ZNF257: variants seen among roughly 807,000 people sequenced by gnomAD.
The protein encoded by ZNF257 is bone marrow zinc finger 4.
A neutral mutation model predicts 11.9 loss-of-function variants in ZNF257; 12 were observed. The observed-to-expected ratio is 1.01, with a 90% CI of 0.65 to 1.63. ZNF257 has a LOEUF of 1.63. Ranked by LOEUF, ZNF257 falls within the 40% of genes most tolerant of loss-of-function variation. The pLI is 0.00. For missense variants in ZNF257, 580 were observed against 665.5 expected (o/e 0.87, Z 1.41); for synonymous variants, 183 against 222.7 (o/e 0.82, Z 1.59).
intron 1 of ZNF257, among the ~76,000 whole-genome samples, chr19:22,068,857 A>G (rs1168727032): frequency 6.6e-6 from 1 of 152,094 alleles, no homozygotes; most frequent in African/African-American, 2.4e-5. Flanking sequence ...ATCAGCCTAA[A>G]TCTCTTCTGT....
intron 1 of ZNF257, among the ~76,000 whole-genome samples, chr19:22,055,207 G>A (rs983850595): frequency 2.0e-5 from 3 of 152,090 alleles, no homozygotes; most frequent in African/African-American, 7.2e-5. Flanking sequence ...AGAAAAAATA[G>A]TATTTTTTGG....
intron 3 of ZNF257, among the ~76,000 whole-genome samples, chr19:22,079,661 G>A (rs2022315796): frequency 6.6e-6 from 1 of 152,034 alleles, no homozygotes; most frequent in South Asian, 2.1e-4. Flanking sequence ...ACCTCTCCCT[G>A]TCTCTCTCAT....
chr19:22,059,298 C>A (rs2021728792), intron 1 of ZNF257, among the ~76,000 whole-genome samples: 1 of 152,124 alleles, frequency 6.6e-6, no homozygotes, highest in Non-Finnish European at 1.5e-5. Flanking sequence ...TTTTGTCCTC[C>A]CATCATCCAC....
At chr19:22,058,350 CTA>C (rs1320584500) in intron 1 of ZNF257, among the ~76,000 whole-genome samples, 3 of 151,832 alleles carry the variant, frequency 2.0e-5, no homozygotes, top group African/African-American at 7.3e-5. Context: ...GTCAACATAA[CTA>C]TGTTGTTTTG....
chr19:22,085,543 A>G (rs1280958335), intron 3 of ZNF257, among the ~76,000 whole-genome samples: 1 of 148,996 alleles, frequency 6.7e-6, no homozygotes, highest in East Asian at 1.9e-4. Flanking sequence ...CTGTTTCCTT[A>G]TTAATATTCT....
chr19:22,069,834 A>G (rs1377536811), intron 1 of ZNF257, among the ~76,000 whole-genome samples: 1 of 152,132 alleles, frequency 6.6e-6, no homozygotes, highest in Admixed American at 6.5e-5. Context: ...GCTAAAAAAG[A>G]TTAAAGTTAC....
rs16998838 is a variant in ZNF257, at chr19:22,087,414, A to G, written c.227-563A>G. 22 of 421,842 alleles carry G rather than the reference A, an allele frequency of 5.2e-5. No individual in the cohort carries two copies. In the East Asian group the frequency reaches 5.7e-4, roughly 11 times the overall value. 26.1% of individuals were successfully genotyped at this position (421,842 alleles called of 1,614,324 possible). ...TATTTGCACTTCTTCCTAGTTATCA[A>G]TCACTTGCTACACTTGTTACCTGTC... On this transcript the variant is annotated intron_variant, in intron 3 of 3. Coordinates refer to ENST00000594947, the MANE Select transcript of ZNF257 (RefSeq NM_033468.4).
rs565742980 is a variant in ZNF257, at chr19:22,087,873, G to A, written c.227-104G>A. 2.9e-6 allele frequency: 3 copies of A among 1,025,260 alleles called. No homozygotes were observed. The South Asian group carries it at 1.1e-4, about 39-fold the overall frequency. The allele number at this position is 1,025,260 out of a possible 1,614,324, so 63.5% of individuals were successfully genotyped here. A position where few individuals can be genotyped will look rare whatever the true frequency, so the allele number is the denominator to read the frequency against. On this transcript the variant is annotated intron_variant, in intron 3 of 3. Transcript: ENST00000594947. Reference sequence around the variant, plus strand: ...ATTAGAGCCTGTGGTATTTTGCTATGCCATCTTCCTTATGTAGTATATACA... The same window carrying A: ...ATTAGAGCCTGTGGTATTTTGCTATACCATCTTCCTTATGTAGTATATACA...
chr19:22,068,925 A>G (rs982572691), intron 1 of ZNF257, among the ~76,000 whole-genome samples: 3 of 152,138 alleles, frequency 2.0e-5, no homozygotes, highest in Non-Finnish European at 4.4e-5. Context: ...AGAATCACCT[A>G]GGTGTCTTTG....
At chr19:22,063,166 T>C (rs2021848013) in intron 1 of ZNF257, among the ~76,000 whole-genome samples, 1 of 152,202 alleles carries the variant, frequency 6.6e-6, no homozygotes, top group Non-Finnish European at 1.5e-5. Flanking sequence ...GAGATGTGCA[T>C]AGTAGACTTC....
intron 3 of ZNF257, among the ~76,000 whole-genome samples, chr19:22,084,856 A>C (rs2022439704): frequency 6.6e-6 from 1 of 150,764 alleles, no homozygotes; most frequent in Middle Eastern, 3.2e-3. Flanking sequence ...TAGCCTGCTG[A>C]GTATCTGAGA....
At chr19:22,079,078 C>T (rs1302139267) in intron 3 of ZNF257, among the ~76,000 whole-genome samples, 1 of 152,114 alleles carries the variant, frequency 6.6e-6, no homozygotes, top group Non-Finnish European at 1.5e-5. Context: ...AGGCGTGAGC[C>T]ACCACCGCAC....
intron 3 of ZNF257, among the ~76,000 whole-genome samples, chr19:22,078,076 A>G (rs1051278252): frequency 4.5e-5 from 5 of 111,840 alleles, no homozygotes; most frequent in Non-Finnish European, 1.0e-4. Flanking sequence ...CGTCTCTACT[A>G]AAAAAAAAAA....
chr19:22,076,980 A>G (rs10411943), intron 3 of ZNF257, among the ~76,000 whole-genome samples: 36,773 of 151,942 alleles, frequency 0.24, 6,205 homozygotes, highest in African/African-American at 0.48. Context: ...GAGCCACCGC[A>G]CCTGTCCTAA....
chr19:22,064,583 T>A (rs1285530413), intron 1 of ZNF257, among the ~76,000 whole-genome samples: 1 of 152,184 alleles, frequency 6.6e-6, no homozygotes, highest in Non-Finnish European at 1.5e-5. Context: ...GAAAACTGAT[T>A]GTCCAAGGTG....
At chr19:22,080,614 A>C (rs549500803) in intron 3 of ZNF257, among the ~76,000 whole-genome samples, 1 of 151,820 alleles carries the variant, frequency 6.6e-6, no homozygotes, top group South Asian at 2.1e-4. Context: ...ATTATCTACT[A>C]TCAGGCTTCC....
At chr19:22,077,774 T>G (rs889791352) in intron 3 of ZNF257, among the ~76,000 whole-genome samples, 1 of 152,190 alleles carries the variant, frequency 6.6e-6, no homozygotes, top group Non-Finnish European at 1.5e-5. Context: ...ATTATAGATA[T>G]AGATTCATAA....
At chr19:22,056,739 A>G (rs998571911) in intron 1 of ZNF257, among the ~76,000 whole-genome samples, 1 of 152,080 alleles carries the variant, frequency 6.6e-6, no homozygotes, top group Non-Finnish European at 1.5e-5. Flanking sequence ...CGGCCTCCCA[A>G]AATGCTGGGA....
intron 1 of ZNF257, among the ~76,000 whole-genome samples, chr19:22,071,073 G>A (rs2022091882): frequency 6.6e-6 from 1 of 152,014 alleles, no homozygotes; most frequent in South Asian, 2.1e-4. Context: ...CAACAATGAA[G>A]GGTTCAAGGC....
Sources: gnomAD v4.1 joint callset for allele counts (sites outside exome capture counted in the v4.1 genomes callset) on GRCh38, gnomAD v4.1.1 for gene constraint, MANE v1.5 for transcripts, NCBI Gene and HGNC (gene_info 2026-07-23, HGNC 2026-07-21) for gene names.